PPM1E: variants seen among roughly 807,000 people sequenced by gnomAD.
PPM1E encodes protein phosphatase, Mg2+/Mn2+ dependent 1E.
PPM1E carries 20 observed loss-of-function variants against 65.9 expected under a neutral mutation model. That is an observed-to-expected ratio of 0.30 (90% confidence interval 0.21 to 0.44). PPM1E has a LOEUF of 0.44. Ranked by LOEUF, PPM1E falls within the 20% of genes least tolerant of loss-of-function variation. PPM1E has a pLI of 1.00. For missense variants in PPM1E, 713 were observed against 953.1 expected (o/e 0.75, Z 3.32); for synonymous variants, 352 against 374.9 (o/e 0.94, Z 0.70).
intron 1 of PPM1E, among the ~76,000 whole-genome samples, chr17:58,841,989 G>A (rs1159279101): frequency 2.6e-5 from 4 of 152,186 alleles, no homozygotes; most frequent in East Asian, 1.9e-4. Flanking sequence ...TTATAGGCAT[G>A]AGCTGCTGTG....
intron 1 of PPM1E, among the ~76,000 whole-genome samples, chr17:58,903,726 A>G (rs2051523716): frequency 6.6e-6 from 1 of 152,238 alleles, no homozygotes; most frequent in Non-Finnish European, 1.5e-5. Flanking sequence ...GGGCCTAGAA[A>G]ATTATAGATT....
At chr17:58,964,069 G>A (rs2030134487) in intron 2 of PPM1E, among the ~76,000 whole-genome samples, 1 of 152,096 alleles carries the variant, frequency 6.6e-6, no homozygotes, top group Non-Finnish European at 1.5e-5. Context: ...GCAAAGACAG[G>A]ACTGAGAATC....
Position 58,980,775 on chromosome 17 carries a change from G to A in PPM1E, c.2012G>A (p.Arg671His), listed in dbSNP as rs770018116. ...AGAGTTTCTAGATTGTCTCATTTACGCCACCACTACTCAAAGAAGTGGCAC... is the reference window on the plus strand; with the variant it reads ...AGAGTTTCTAGATTGTCTCATTTACACCACCACTACTCAAAGAAGTGGCAC... ...GNRVSRLSHLRHHYSKKWHRF... is the reference protein window; with the variant it reads ...GNRVSRLSHLHHHYSKKWHRF... The change falls in exon 7 of 7, where the codon CGC becomes CAC. Residue 671 changes from arginine (R) to histidine (H), a missense_variant. This residue lies in a region of PPM1E where 286 missense variants were observed against 313.8 expected (regional missense o/e 0.91). Coordinates refer to ENST00000308249, the MANE Select transcript of PPM1E (RefSeq NM_014906.5). This position sits in a 1 kb window ranked among gnomAD's most constrained non-coding sequence, Gnocchi z 4.7. 1.5e-5 allele frequency: 24 copies of A among 1,613,936 alleles called. No homozygotes were observed. Among genetic ancestry groups the A allele is most frequent in the East Asian group, 6.7e-5 (3 of 44,888 alleles).
At chr17:58,937,135 A>T (rs562310329) in intron 1 of PPM1E, among the ~76,000 whole-genome samples, 101 of 152,196 alleles carry the variant, frequency 6.6e-4, no homozygotes, top group South Asian at 6.2e-4. Flanking sequence ...ATACAAAAAA[A>T]AAAAATAAAA....
chr17:58,827,665 G>A (rs1344164735), intron 1 of PPM1E, among the ~76,000 whole-genome samples: 1 of 151,854 alleles, frequency 6.6e-6, no homozygotes, highest in Non-Finnish European at 1.5e-5. Flanking sequence ...CACTTTGGGA[G>A]GCCGAGGAGG....
intron 1 of PPM1E, among the ~76,000 whole-genome samples, chr17:58,801,383 A>G (rs2050256260): frequency 6.9e-6 from 1 of 144,652 alleles, no homozygotes. Flanking sequence ...TAACCATTTT[A>G]TTTTTAGATA....
chr17:58,901,468 G>A (rs546551791), intron 1 of PPM1E, among the ~76,000 whole-genome samples: 1 of 152,214 alleles, frequency 6.6e-6, no homozygotes, highest in South Asian at 2.1e-4. Context: ...GAGGTCAGGA[G>A]TTCGAGACCA....
intron 1 of PPM1E, among the ~76,000 whole-genome samples, chr17:58,816,801 T>A (rs2050430007): frequency 1.9e-5 from 2 of 107,218 alleles, no homozygotes; most frequent in Non-Finnish European, 3.6e-5. Flanking sequence ...TATATTTTTT[T>A]TTTTTTTTTT....
In PPM1E at chr17:58,983,695, T is replaced by C. The variant is rs978181397; in HGVS notation, c.*2664T>C. On this transcript the variant is annotated 3_prime_UTR_variant, in exon 7 of 7. Transcript: ENST00000308249. ...TCTGTGAATTATGTGTTTTGTATTTTTATTCATTGTGTAATTTAGTGGTGG... is the reference window on the plus strand; with the variant it reads ...TCTGTGAATTATGTGTTTTGTATTTCTATTCATTGTGTAATTTAGTGGTGG... 1 of 152,688 alleles carries C rather than the reference T, an allele frequency of 6.5e-6. No individual in the cohort carries two copies. The highest frequency in any genetic ancestry group is 2.1e-4 in the South Asian group (1 of 4,838). 9.5% of individuals were successfully genotyped at this position (152,688 alleles called of 1,614,324 possible).
rs548107942 is a variant in PPM1E at position 58,756,667 on chromosome 17, TCGGCCCC to T, written c.464+208_464+214del. Among the ~76,000 whole-genome samples the T allele has an allele frequency of 1.4e-4, 11 of 77,642 alleles. No individual in the cohort carries two copies. The South Asian group carries it at 4.3e-3, about 30-fold the overall frequency. The allele number at this position is 77,642 out of a possible 152,430, so 50.9% of individuals were successfully genotyped here. ...GCCCGCCTCGGCCCCCACGCCCGCC[TCGGCCCC>T]CACGCCTCCTACCCGGCCTTGAAGC... On this transcript the variant is annotated intron_variant, in intron 1 of 6. Coordinates refer to ENST00000308249, the MANE Select transcript of PPM1E (RefSeq NM_014906.5).
At chr17:58,927,125 T>C (rs1436696066) in intron 1 of PPM1E, among the ~76,000 whole-genome samples, 1 of 145,818 alleles carries the variant, frequency 6.9e-6, no homozygotes, top group Non-Finnish European at 1.5e-5. Context: ...TTTTAAACTT[T>C]TTTTTTTTTT....
At chr17:58,842,924 G>A (rs896342062) in intron 1 of PPM1E, among the ~76,000 whole-genome samples, 1 of 151,250 alleles carries the variant, frequency 6.6e-6, no homozygotes, top group Non-Finnish European at 1.5e-5. Flanking sequence ...GGCAACAAGA[G>A]CAACATCTCT....
At chr17:58,880,828 G>A (rs968676250) in intron 1 of PPM1E, among the ~76,000 whole-genome samples, 2 of 151,824 alleles carry the variant, frequency 1.3e-5, no homozygotes, top group Non-Finnish European at 2.9e-5. Flanking sequence ...GGGTTTTGCC[G>A]TATTGCCCAG....
intron 1 of PPM1E, among the ~76,000 whole-genome samples, chr17:58,798,572 G>A (rs2050229795): frequency 6.9e-6 from 1 of 145,028 alleles, no homozygotes; most frequent in Non-Finnish European, 1.5e-5. Context: ...TCAGTCAGCA[G>A]AATTTTAAAA....
At chr17:58,759,965 C>A (rs1461788471) in intron 1 of PPM1E, among the ~76,000 whole-genome samples, 1 of 151,970 alleles carries the variant, frequency 6.6e-6, no homozygotes, top group Non-Finnish European at 1.5e-5. Flanking sequence ...ACATTTTTTT[C>A]TCATTCAAAA....
intron 1 of PPM1E, among the ~76,000 whole-genome samples, chr17:58,823,371 G>A (rs2050499922): frequency 6.6e-6 from 1 of 152,188 alleles, no homozygotes; most frequent in African/African-American, 2.4e-5. Context: ...TCTAGGCACA[G>A]GAATGGTTTC....
At position 58,792,743 on chromosome 17, in the gene PPM1E, C is replaced by CTTTTTTTT. The variant is rs780992600; in HGVS notation, c.464+36304_464+36311dup. Reference sequence around the variant, plus strand: ...TATTTTATTTTATAAGAATTTTACTCTTTTTTTTTTTTTTTTTTTTTTTTT... The same window carrying CTTTTTTTT: ...TATTTTATTTTATAAGAATTTTACTCTTTTTTTTTTTTTTTTTTTTTTTTTTTTTTTTT... On this transcript the variant is annotated intron_variant, in intron 1 of 6. Transcript: ENST00000308249. Among the ~76,000 whole-genome samples, 244 of 76,376 alleles carry CTTTTTTTT rather than the reference C, an allele frequency of 3.2e-3. 49 individuals carry two copies. The highest frequency in any genetic ancestry group is 8.4e-3 in the African/African-American group (132 of 15,644). 50.1% of individuals were successfully genotyped at this position (76,376 alleles called of 152,430 possible).
At chr17:58,934,931 A>AT (rs1293554989) in intron 1 of PPM1E, among the ~76,000 whole-genome samples, 2 of 151,298 alleles carry the variant, frequency 1.3e-5, no homozygotes, top group Non-Finnish European at 2.9e-5. Flanking sequence ...CGTCTCAAAA[A>AT]AAAAAAGAAA....
intron 1 of PPM1E, among the ~76,000 whole-genome samples, chr17:58,937,599 G>A (rs1227361459): frequency 6.7e-6 from 1 of 148,534 alleles, no homozygotes; most frequent in Non-Finnish European, 1.5e-5. Flanking sequence ...GCCTACGGCC[G>A]GGTGTGGTGG....
Sources: gnomAD v4.1 joint callset for allele counts (sites outside exome capture counted in the v4.1 genomes callset) on GRCh38, gnomAD v4.1.1 for gene constraint, gnomAD v4.1.1 regional missense constraint, Gnocchi (gnomAD v3.1) non-coding constraint, MANE v1.5 for transcripts, NCBI Gene and HGNC (gene_info 2026-07-23, HGNC 2026-07-21) for gene names.